TSHZ1: variants seen among roughly 807,000 people sequenced by gnomAD.
The protein encoded by TSHZ1 is teashirt homolog 1.
A neutral mutation model predicts 67.1 loss-of-function variants in TSHZ1; 12 were observed. The ratio of observed to expected loss-of-function variants is 0.18; its 90% CI spans 0.11 to 0.29. The LOEUF (loss-of-function observed/expected upper bound fraction) is 0.29. Among genes scored for constraint, TSHZ1 ranks in the 10% least tolerant of loss-of-function variants. The pLI is 1.00. For synonymous variants in TSHZ1, 632 were observed against 622.4 expected (o/e 1.02, Z -0.23); for missense variants, 1,305 against 1,413.9 (o/e 0.92, Z 1.23).
chr18:75,287,826 G>A lies in TSHZ1; in HGVS notation c.2419G>A (p.Asp807Asn), dbSNP rs374648821. 1.2e-5 allele frequency: 20 copies of A among 1,613,964 alleles called. No homozygotes were observed. In the East Asian group the frequency reaches 1.6e-4, roughly 13 times the overall value. Residue 807 changes from aspartate (D) to asparagine (N), a missense_variant, in exon 2 of 2, where the codon GAC becomes AAC. By Grantham distance (23) the Asp-to-Asn change is conservative (BLOSUM62 1). Around this residue, in one of 3 missense-constraint regions of TSHZ1, gnomAD observed 909 missense variants for 961.8 expected, o/e 0.95. Transcript: ENST00000580243. The surrounding 1 kb of genome is among the most constrained non-coding windows in gnomAD (Gnocchi z 5.0). Reference protein sequence around the residue: ...AIDRYYYENSDQPIDLTKSKN... With the variant: ...AIDRYYYENSNQPIDLTKSKN... The stretch of plus-strand genomic sequence containing the variant: ...CGACCGCTACTATTATGAAAACAGC[G>A]ACCAGCCCATTGACTTAACCAAGTC...
chr18:75,261,009 G>T (rs2023423465), intron 1 of TSHZ1, among the ~76,000 whole-genome samples: 1 of 151,908 alleles, frequency 6.6e-6, no homozygotes, highest in Non-Finnish European at 1.5e-5. Context: ...GAGGAGCATG[G>T]TGGGGTGTAT....
At chr18:75,257,319 G>A (rs1157551487) in intron 1 of TSHZ1, among the ~76,000 whole-genome samples, 1 of 152,064 alleles carries the variant, frequency 6.6e-6, no homozygotes, top group Non-Finnish European at 1.5e-5. Context: ...TAAAGGGCTG[G>A]GTCCTTTTTA....
intron 1 of TSHZ1, among the ~76,000 whole-genome samples, chr18:75,214,303 A>G (rs568394640): frequency 3.0e-4 from 46 of 152,228 alleles, no homozygotes; most frequent in Non-Finnish European, 5.4e-4. Context: ...GTAATGGGCT[A>G]GGTGAGAAAA....
At chr18:75,228,807 G>A (rs1268409077) in intron 1 of TSHZ1, among the ~76,000 whole-genome samples, 2 of 152,182 alleles carry the variant, frequency 1.3e-5, no homozygotes. Flanking sequence ...AGATGGTCTA[G>A]TGCATTTGTC....
intron 1 of TSHZ1, among the ~76,000 whole-genome samples, chr18:75,280,324 T>C (rs1167147416): frequency 2.0e-5 from 3 of 152,252 alleles, no homozygotes; most frequent in African/African-American, 7.2e-5. Context: ...AATAAAATGA[T>C]TGGGCTAAAG....
intron 1 of TSHZ1, among the ~76,000 whole-genome samples, chr18:75,236,897 G>C (rs35891339): frequency 6.6e-6 from 1 of 152,196 alleles, no homozygotes; most frequent in Non-Finnish European, 1.5e-5. Context: ...GGTCATGTAA[G>C]TTAAGCCCAG....
At position 75,274,013 on chromosome 18, in the gene TSHZ1, G is replaced by A. The variant is rs556359751; in HGVS notation, c.41-11435G>A. On this transcript the variant is annotated intron_variant, in intron 1 of 1. Coordinates refer to ENST00000580243, the MANE Select transcript of TSHZ1 (RefSeq NM_001308210.2). The stretch of plus-strand genomic sequence containing the variant: ...CACATGCATGCGCGTGAAGGCCGGC[G>A]GCGCCTCCTCCTGGGCTGCTGGTGC... 1.3e-3 allele frequency among the ~76,000 whole-genome samples: 192 copies of A among 152,224 alleles called. 1 individual carries two copies. Among genetic ancestry groups the A allele is most frequent in the African/African-American group, 4.4e-3 (183 of 41,542 alleles).
intron 1 of TSHZ1, among the ~76,000 whole-genome samples, chr18:75,233,712 G>A (rs953406565): frequency 1.1e-4 from 17 of 152,052 alleles, no homozygotes; most frequent in African/African-American, 4.1e-4. Context: ...CCCTTTCCTA[G>A]TGGCCTTCCT....
At chr18:75,245,566 C>G (rs1422717270) in intron 1 of TSHZ1, among the ~76,000 whole-genome samples, 1 of 152,234 alleles carries the variant, frequency 6.6e-6, no homozygotes, top group Non-Finnish European at 1.5e-5. Flanking sequence ...TGTCTCCTTG[C>G]AATCACCGCA....
intron 1 of TSHZ1, among the ~76,000 whole-genome samples, chr18:75,255,000 T>A (rs945840647): frequency 1.6e-4 from 24 of 152,236 alleles, no homozygotes; most frequent in African/African-American, 5.8e-4. Flanking sequence ...CTTTCAATAA[T>A]TGATAGTATA....
chr18:75,225,216 C>T (rs1034658743), intron 1 of TSHZ1, among the ~76,000 whole-genome samples: 1 of 152,154 alleles, frequency 6.6e-6, no homozygotes, highest in Admixed American at 6.5e-5. Flanking sequence ...GCACAGGCCT[C>T]TAGGAAATGC....
chr18:75,257,139 G>C (rs2023371101), intron 1 of TSHZ1, among the ~76,000 whole-genome samples: 1 of 152,184 alleles, frequency 6.6e-6, no homozygotes, highest in African/African-American at 2.4e-5. Context: ...GAAGACAGTT[G>C]AAGAGCTTTA....
At chr18:75,237,539 A>G (rs113567696) in intron 1 of TSHZ1, among the ~76,000 whole-genome samples, 1 of 152,140 alleles carries the variant, frequency 6.6e-6, no homozygotes, top group Non-Finnish European at 1.5e-5. Context: ...AAATAAGAAC[A>G]GTCATATATC....
At chr18:75,258,829 C>A (rs2023394839) in intron 1 of TSHZ1, among the ~76,000 whole-genome samples, 1 of 152,104 alleles carries the variant, frequency 6.6e-6, no homozygotes, top group Non-Finnish European at 1.5e-5. Flanking sequence ...CTGTGCCATC[C>A]ACTGATGGAT....
At chr18:75,252,629 G>A (rs2023318306) in intron 1 of TSHZ1, among the ~76,000 whole-genome samples, 2 of 151,932 alleles carry the variant, frequency 1.3e-5, no homozygotes, top group South Asian at 2.1e-4. Context: ...TGTGGGAAGG[G>A]CATCTCACCT....
intron 1 of TSHZ1, among the ~76,000 whole-genome samples, chr18:75,273,765 T>C (rs2023584059): frequency 6.6e-6 from 1 of 152,188 alleles, no homozygotes; most frequent in African/African-American, 2.4e-5. Context: ...CAGGCACACA[T>C]TGGCATCCAG....
chr18:75,222,373 T>A (rs2022857884), intron 1 of TSHZ1, among the ~76,000 whole-genome samples: 1 of 152,172 alleles, frequency 6.6e-6, no homozygotes, highest in Non-Finnish European at 1.5e-5. Context: ...ACTTGTCTTT[T>A]CTCCCTACTT....
intron 1 of TSHZ1, among the ~76,000 whole-genome samples, chr18:75,238,538 T>A (rs1434086548): frequency 6.6e-6 from 1 of 151,798 alleles, no homozygotes; most frequent in Non-Finnish European, 1.5e-5. Flanking sequence ...GAAGATCTTA[T>A]CCAAGGCAGG....
intron 1 of TSHZ1, among the ~76,000 whole-genome samples, chr18:75,261,000 AG>A (rs1224442432): frequency 1.3e-5 from 2 of 151,734 alleles, no homozygotes; most frequent in African/African-American, 2.4e-5. Context: ...CTCGGCCAGG[AG>A]GAGCATGGTG....
Sources: allele counts gnomAD v4.1 joint callset (sites outside exome capture counted in the v4.1 genomes callset), GRCh38; gene constraint gnomAD v4.1.1; regional missense constraint gnomAD v4.1.1; non-coding constraint Gnocchi (gnomAD v3.1); transcripts MANE v1.5; gene names NCBI Gene and HGNC (gene_info 2026-07-23, HGNC 2026-07-21).